The following MSI2 variants were observed in gnomAD, a reference collection of about 807,000 sequenced individuals.
MSI2 encodes the protein musashi RNA binding protein 2.
In MSI2, 17 loss-of-function variants were observed where a neutral mutation model predicts 45.6. The ratio of observed to expected loss-of-function variants is 0.37; its 90% confidence interval spans 0.26 to 0.56. The LOEUF (loss-of-function observed/expected upper bound fraction) is 0.56. Ranked by LOEUF, MSI2 falls within the 20% of genes least tolerant of loss-of-function variation. The pLI is 0.77. For missense variants in MSI2, 293 were observed against 444.2 expected (o/e 0.66, Z 3.06); for synonymous variants, 156 against 158.2 (o/e 0.99, Z 0.11).
At chr17:57,277,623 T>TA (rs1489334859) in intron 5 of MSI2, among the ~76,000 whole-genome samples, 3 of 152,174 alleles carry the variant, frequency 2.0e-5, no homozygotes, top group Admixed American at 2.0e-4. Context: ...CAGACAGTCT[T>TA]AGGGTTTCTT....
intron 7 of MSI2, among the ~76,000 whole-genome samples, chr17:57,580,445 C>T (rs1039150844): frequency 3.9e-5 from 6 of 152,322 alleles, no homozygotes; most frequent in Admixed American, 2.0e-4. Context: ...TGAGGCCTGC[C>T]CCCCACACCC....
intron 6 of MSI2, among the ~76,000 whole-genome samples, chr17:57,458,347 G>T (rs528691371): frequency 6.6e-6 from 1 of 152,220 alleles, no homozygotes; most frequent in Non-Finnish European, 1.5e-5. Context: ...TGATCCACCC[G>T]CCTTGGCCTC....
In MSI2 at chr17:57,419,448, C is replaced by T. The variant is rs569060475; in HGVS notation, c.405+17977C>T. On this transcript the variant is annotated intron_variant, in intron 6 of 13. Transcript: ENST00000284073. Reference sequence around the variant, plus strand: ...CTCAGTCTCAGCTCACTGCAACCTCCGCCTCCCAGGTTCAAGCGATTCTCC... The same window carrying T: ...CTCAGTCTCAGCTCACTGCAACCTCTGCCTCCCAGGTTCAAGCGATTCTCC... Among the ~76,000 whole-genome samples the T allele has an allele frequency of 1.2e-4, 18 of 152,022 alleles. No individual in the cohort carries two copies. The East Asian group carries it at 1.9e-3, about 16-fold the overall frequency.
intron 6 of MSI2, among the ~76,000 whole-genome samples, chr17:57,514,660 T>G (rs113282526): frequency 1.7e-3 from 252 of 147,200 alleles, no homozygotes; most frequent in Admixed American, 2.6e-3. Context: ...CTTTTTTTTT[T>G]TTTTTTTTTT....
intron 10 of MSI2, among the ~76,000 whole-genome samples, chr17:57,647,669 G>A (rs1029991529): frequency 7.3e-5 from 11 of 151,388 alleles, no homozygotes; most frequent in Non-Finnish European, 1.6e-4. Context: ...CTTCGAGACA[G>A]AGTCTCGCTC....
chr17:57,283,976 C>T (rs1181291555), intron 5 of MSI2, among the ~76,000 whole-genome samples: 2 of 152,194 alleles, frequency 1.3e-5, no homozygotes, highest in Non-Finnish European at 2.9e-5. Context: ...TGTAAACAAT[C>T]TTTAAGGGGA....
chr17:57,645,882 G>A (rs1049287826), intron 10 of MSI2, among the ~76,000 whole-genome samples: 2 of 152,166 alleles, frequency 1.3e-5, no homozygotes, highest in African/African-American at 4.8e-5. Flanking sequence ...TACAGAGCAG[G>A]GCACTCCCAT....
At chr17:57,495,086 TG>T (rs1480760641) in intron 6 of MSI2, among the ~76,000 whole-genome samples, 1 of 151,430 alleles carries the variant, frequency 6.6e-6, no homozygotes, top group Non-Finnish European at 1.5e-5. Flanking sequence ...TTGGAGGAGG[TG>T]AGGGAGTGAG....
chr17:57,322,623 C>T (rs1913440769), intron 5 of MSI2, among the ~76,000 whole-genome samples: 1 of 152,184 alleles, frequency 6.6e-6, no homozygotes, highest in Non-Finnish European at 1.5e-5. Context: ...CTCACTCAAA[C>T]CAGGAGCTGC....
Position 57,396,200 on chromosome 17 carries a change from T to A in MSI2, c.313-5179T>A, listed in dbSNP as rs115873000. Reference sequence around the variant, plus strand: ...AGGCTCTCCAGAGCCATTTCCTGCCTTTTCATGTATTTGTTCTGATTAAGA... The same window carrying A: ...AGGCTCTCCAGAGCCATTTCCTGCCATTTCATGTATTTGTTCTGATTAAGA... On this transcript the variant is annotated intron_variant, in intron 5 of 13. Coordinates refer to ENST00000284073, the MANE Select transcript of MSI2 (RefSeq NM_138962.4). Among the ~76,000 whole-genome samples, 382 of 152,360 alleles carry A rather than the reference T, an allele frequency of 2.5e-3. 1 individual carries two copies. Among genetic ancestry groups the A allele is most frequent in the African/African-American group, 8.6e-3 (358 of 41,586 alleles).
chr17:57,559,840 G>A (rs780872639), intron 7 of MSI2, among the ~76,000 whole-genome samples: 4 of 152,378 alleles, frequency 2.6e-5, no homozygotes, highest in East Asian at 3.9e-4. Flanking sequence ...AGTGGTGGAC[G>A]TCTCCACAGG....
Position 57,393,048 on chromosome 17 carries a change from C to G in MSI2, c.313-8331C>G, listed in dbSNP as rs78014424. Reference sequence around the variant, plus strand: ...GCATACCCTTTAGCCATCACTCCCTCCCTCTCCCCTGGCTCTATGCAACTA... The same window carrying G: ...GCATACCCTTTAGCCATCACTCCCTGCCTCTCCCCTGGCTCTATGCAACTA... On this transcript the variant is annotated intron_variant, in intron 5 of 13. Coordinates refer to ENST00000284073, the MANE Select transcript of MSI2 (RefSeq NM_138962.4). 3.7e-4 allele frequency among the ~76,000 whole-genome samples: 57 copies of G among 152,316 alleles called. No homozygotes were observed. In the East Asian group the frequency reaches 8.7e-3, roughly 23 times the overall value.
At chr17:57,295,772 C>T (rs1043678937) in intron 5 of MSI2, among the ~76,000 whole-genome samples, 3 of 152,120 alleles carry the variant, frequency 2.0e-5, no homozygotes, top group African/African-American at 7.2e-5. Context: ...AGTATTTGTT[C>T]TTGCTTTAAA....
chr17:57,441,784 A>G lies in MSI2; in HGVS notation c.405+40313A>G, dbSNP rs922385334. Among the ~76,000 whole-genome samples, 8 of 152,226 alleles carry G rather than the reference A, an allele frequency of 5.3e-5. 1 individual carries two copies. The highest frequency in any genetic ancestry group is 1.7e-4 in the African/African-American group (7 of 41,458). On this transcript the variant is annotated intron_variant, in intron 6 of 13. Transcript: ENST00000284073. ...GTAGATTAATTGCCATATGGGAAGT[A>G]CTTAAAGCATGTTGCCTGGCACACA...
At chr17:57,376,900 T>C (rs530505214) in intron 5 of MSI2, among the ~76,000 whole-genome samples, 1 of 130,658 alleles carries the variant, frequency 7.7e-6, no homozygotes, top group Admixed American at 8.1e-5. Flanking sequence ...TCATTCTGGG[T>C]GTCACGTTGA....
intron 5 of MSI2, among the ~76,000 whole-genome samples, chr17:57,343,854 T>A (rs1002064868): frequency 1.3e-5 from 2 of 152,228 alleles, no homozygotes; most frequent in Non-Finnish European, 2.9e-5. Context: ...AATAGAACAT[T>A]CTTGTCTAGT....
intron 6 of MSI2, among the ~76,000 whole-genome samples, chr17:57,482,127 A>G (rs1181901677): frequency 6.6e-6 from 1 of 152,204 alleles, no homozygotes; most frequent in Non-Finnish European, 1.5e-5. Flanking sequence ...GCAAATTCCA[A>G]GGAGATCTGC....
intron 5 of MSI2, among the ~76,000 whole-genome samples, chr17:57,273,378 A>G (rs1908538406): frequency 6.6e-6 from 1 of 152,090 alleles, no homozygotes; most frequent in African/African-American, 2.4e-5. Flanking sequence ...GAAAATAAAA[A>G]TCCTTGGATT....
intron 10 of MSI2, chr17:57,631,378 C>G (rs1422082065): frequency 6.2e-6 from 1 of 161,636 alleles, no homozygotes; most frequent in African/African-American, 2.4e-5. Flanking sequence ...GAACATCCAT[C>G]TCATCTGGTT....
Sources: allele counts gnomAD v4.1 joint callset (sites outside exome capture counted in the v4.1 genomes callset), GRCh38; gene constraint gnomAD v4.1.1; transcripts MANE v1.5; gene names NCBI Gene and HGNC (gene_info 2026-07-23, HGNC 2026-07-21).